Variants in ZFP30 observed in about 807,000 individuals in gnomAD.
The protein encoded by ZFP30 is ZFP30 zinc finger protein, also known as zinc finger protein 30 homolog.
Under a neutral mutation model 12.3 loss-of-function variants are expected in ZFP30, and 16 were observed. That is an observed-to-expected ratio of 1.30 (90% CI 0.88 to 1.98). ZFP30 has a LOEUF of 1.98. ZFP30 is among the 30% of genes most tolerant of loss of function. ZFP30 has a pLI of 0.00. For synonymous variants in ZFP30, 172 were observed against 201.0 expected (o/e 0.86, Z 1.22); for missense variants, 560 against 611.2 (o/e 0.92, Z 0.88).
chr19:37,637,507 T>G (rs1049460847), intron 5 of ZFP30, among the ~76,000 whole-genome samples: 1 of 151,810 alleles, frequency 6.6e-6, no homozygotes, highest in Admixed American at 6.6e-5. Flanking sequence ...TCCTTTTTTT[T>G]TGAGACAGAG....
chr19:37,638,832 G>A (rs1261351396), intron 5 of ZFP30, among the ~76,000 whole-genome samples: 1 of 152,116 alleles, frequency 6.6e-6, no homozygotes, highest in Non-Finnish European at 1.5e-5. Flanking sequence ...GGGGAGGAAT[G>A]ACCGAAAGAA....
chr19:37,646,971 G>T (rs1372537441), intron 3 of ZFP30, among the ~76,000 whole-genome samples: 4 of 151,976 alleles, frequency 2.6e-5, no homozygotes, highest in Admixed American at 2.6e-4. Context: ...TTAAATAAAA[G>T]ACATTAAAAT....
chr19:37,650,315 G>C (rs2044624184), intron 2 of ZFP30, among the ~76,000 whole-genome samples: 1 of 152,016 alleles, frequency 6.6e-6, no homozygotes, highest in Admixed American at 6.6e-5. Context: ...ATGTTGCCTA[G>C]CCTGCTCTCA....
At chr19:37,653,715 G>A (rs1465813524) in intron 2 of ZFP30, among the ~76,000 whole-genome samples, 1 of 152,156 alleles carries the variant, frequency 6.6e-6, no homozygotes, top group Non-Finnish European at 1.5e-5. Flanking sequence ...GAGAATCAAT[G>A]TTGTTGGAGC....
intron 3 of ZFP30, among the ~76,000 whole-genome samples, chr19:37,647,166 C>G (rs1223372479): frequency 6.6e-6 from 1 of 152,028 alleles, no homozygotes; most frequent in Admixed American, 6.5e-5. Flanking sequence ...AGATAAAATG[C>G]CCACTTCTAG....
intron 5 of ZFP30, among the ~76,000 whole-genome samples, chr19:37,641,884 T>G (rs1213247502): frequency 6.6e-6 from 1 of 152,230 alleles, no homozygotes; most frequent in Non-Finnish European, 1.5e-5. Context: ...CTGTTTTTGG[T>G]CCTGTAGTTT....
chr19:37,656,249 T>G (rs1332634144), upstream of ZFP30: 1 of 152,480 alleles, frequency 6.6e-6, no homozygotes, highest in Admixed American at 6.5e-5. Context: ...TGCCTGACTC[T>G]GACGCTGGCT....
intron 2 of ZFP30, among the ~76,000 whole-genome samples, chr19:37,650,593 T>G (rs2044629469): frequency 6.6e-6 from 1 of 152,166 alleles, no homozygotes; most frequent in African/African-American, 2.4e-5. Flanking sequence ...TGCTAATATT[T>G]CCACTTCTGA....
intron 5 of ZFP30, 37 bp downstream of exon 5, chr19:37,643,228 T>A: frequency 6.4e-7 from 1 of 1,560,716 alleles, no homozygotes; most frequent in Non-Finnish European, 8.8e-7. Context: ...GGTCTGGCCA[T>A]GCCATAATGG....
chr19:37,646,001 A>G (rs750227363), intron 3 of ZFP30, among the ~76,000 whole-genome samples: 18 of 152,172 alleles, frequency 1.2e-4, no homozygotes, highest in Non-Finnish European at 2.5e-4. Flanking sequence ...ACAGTCAACC[A>G]TGGTCCAAAA....
At chr19:37,643,191 A>AG in intron 5 of ZFP30, 74 bp downstream of exon 5, 2 of 1,158,284 alleles carry the variant, frequency 1.7e-6, no homozygotes, top group East Asian at 5.1e-5. Context: ...TTGACATCTA[A>AG]GGGGTGTGTC....
chr19:37,641,575 A>G (rs1401567502), intron 5 of ZFP30, among the ~76,000 whole-genome samples: 8 of 152,232 alleles, frequency 5.3e-5, no homozygotes, highest in Admixed American at 5.2e-4. Flanking sequence ...CTTCCTTCGT[A>G]TTATTTGAAG....
intron 5 of ZFP30, among the ~76,000 whole-genome samples, chr19:37,642,879 C>T (rs1011469366): frequency 2.0e-5 from 3 of 151,682 alleles, no homozygotes; most frequent in African/African-American, 4.8e-5. Context: ...GGTGAAACCC[C>T]GTCTCTACTA....
At chr19:37,642,609 G>T (rs1447052474) in intron 5 of ZFP30, among the ~76,000 whole-genome samples, 3 of 152,042 alleles carry the variant, frequency 2.0e-5, no homozygotes, top group African/African-American at 7.2e-5. Flanking sequence ...CCATGAACAT[G>T]GGCAATGAAA....
At chr19:37,639,084 A>AT (rs1465789024) in intron 5 of ZFP30, among the ~76,000 whole-genome samples, 3 of 152,204 alleles carry the variant, frequency 2.0e-5, no homozygotes, top group Non-Finnish European at 2.9e-5. Context: ...AAATACTGCT[A>AT]TATAATCGTG....
At chr19:37,649,142 G>C (rs908979558) in intron 2 of ZFP30, among the ~76,000 whole-genome samples, 1 of 151,794 alleles carries the variant, frequency 6.6e-6, no homozygotes, top group Non-Finnish European at 1.5e-5. Context: ...TTACTTGGGA[G>C]GCTGAGGCAG....
In ZFP30 at chr19:37,634,701, G is replaced by A. The variant is rs1276882432; in HGVS notation, c.*280C>T. 3.0e-5 allele frequency: 9 copies of A among 302,706 alleles called. No individual in the cohort carries two copies. The highest frequency in any genetic ancestry group is 9.4e-4 in the Middle Eastern group (1 of 1,060). The allele number at this position is 302,706 out of a possible 1,614,324, so 18.8% of individuals were successfully genotyped here. On this transcript the variant is annotated 3_prime_UTR_variant, in exon 6 of 6. Transcript: ENST00000684514. ...ACCTTCGTGTGTATATACACAGATG[G>A]AAGAATATGGAGATAATAATAGGTA...
intron 2 of ZFP30, among the ~76,000 whole-genome samples, chr19:37,650,679 C>T (rs922410777): frequency 1.3e-5 from 2 of 152,078 alleles, no homozygotes; most frequent in Admixed American, 1.3e-4. Context: ...ACCTACTCAA[C>T]TCCCACCCAC....
rs935198066 is a variant in ZFP30 at position 37,638,907 on chromosome 19, G to T, written c.236-2602C>A. Among the ~76,000 whole-genome samples the T allele has an allele frequency of 4.9e-4, 74 of 151,974 alleles. 2 individuals are homozygous for T. Among genetic ancestry groups the T allele is most frequent in the Non-Finnish European group, 1.0e-4 (7 of 67,980 alleles). ...CTGAATCTGTGTACTAATTAGATGG[G>T]TGTGGTCACTGTGACAATTCACTAA... On this transcript the variant is annotated intron_variant, in intron 5 of 5. Transcript: ENST00000684514.
Sources: gnomAD v4.1 joint callset for allele counts (sites outside exome capture counted in the v4.1 genomes callset) on GRCh38, gnomAD v4.1.1 for gene constraint, MANE v1.5 for transcripts, NCBI Gene and HGNC (gene_info 2026-07-23, HGNC 2026-07-21) for gene names.